Variants in TTC39A observed in about 807,000 individuals in gnomAD.
TTC39A encodes tetratricopeptide repeat protein 39A.
TTC39A carries 46 observed loss-of-function variants against 82.3 expected under a neutral mutation model. The observed-to-expected ratio is 0.56, with a 90% CI of 0.44 to 0.71. The LOEUF is 0.71. Ranked by LOEUF, TTC39A falls within the 30% of genes least tolerant of loss-of-function variation. The pLI is 0.00. For missense variants in TTC39A, 543 were observed against 712.9 expected, an observed-to-expected ratio of 0.76 and a Z score of 2.71; for synonymous variants, 254 against 275.2, an observed-to-expected ratio of 0.92 and a Z score of 0.76.
At chr1:51,334,305 A>G (rs1290148833), upstream of TTC39A, among the ~76,000 whole-genome samples, 2 of 152,050 alleles carry the variant, frequency 1.3e-5, no homozygotes, top group African/African-American at 2.4e-5. Flanking sequence ...GGAGTTCGAG[A>G]CCAGCCTGAC....
At chr1:51,345,058 C>A in exon 1 of TTC39A, 3 of 1,412,956 alleles carry the variant, frequency 2.1e-6, no homozygotes, top group South Asian at 1.6e-5. Flanking sequence ...GCGGGCCGGG[C>A]TCGGACGGGG....
At chr1:51,334,195 C>T (rs1475448201), upstream of TTC39A, among the ~76,000 whole-genome samples, 1 of 38,064 alleles carries the variant, frequency 2.6e-5, no homozygotes, top group East Asian at 5.6e-4. Context: ...CCTGTCTCTA[C>T]AAAAAAAAAA....
At chr1:51,290,793 T>C (rs1444167174) in intron 14 of TTC39A, among the ~76,000 whole-genome samples, 168 bp from the exon 15 acceptor site, 4 of 152,166 alleles carry the variant, frequency 2.6e-5, no homozygotes, top group South Asian at 4.1e-4. Context: ...CTGAGGGGGT[T>C]ATGGGAGCCT....
chr1:51,312,273 T>A, intron 3 of TTC39A, 78 bp from the exon 4 acceptor site: 2 of 1,340,968 alleles, frequency 1.5e-6, no homozygotes, highest in Non-Finnish European at 2.1e-6. Flanking sequence ...TGCTACACCC[T>A]AGAACATTCC....
chr1:51,295,149 C>G (rs1298413636), intron 13 of TTC39A, among the ~76,000 whole-genome samples: 1 of 152,284 alleles, frequency 6.6e-6, no homozygotes, highest in South Asian at 2.1e-4. Context: ...TGAGGTCCCC[C>G]CAAACTCTTC....
At chr1:51,319,339 G>C (rs1378887148) in intron 2 of TTC39A, among the ~76,000 whole-genome samples, 2 of 152,108 alleles carry the variant, frequency 1.3e-5, no homozygotes, top group Admixed American at 6.5e-5. Flanking sequence ...AAAAAGGAGA[G>C]GGAGAGGGAA....
chr1:51,329,205 A>G (rs1645821126), intron 1 of TTC39A, among the ~76,000 whole-genome samples: 1 of 152,110 alleles, frequency 6.6e-6, no homozygotes, highest in Non-Finnish European at 1.5e-5. Context: ...TTTGATAGAT[A>G]CCTTGCTCCA....
intron 5 of TTC39A, among the ~76,000 whole-genome samples, chr1:51,310,766 C>G (rs952862910): frequency 6.6e-6 from 1 of 152,214 alleles, no homozygotes; most frequent in African/African-American, 2.4e-5. Flanking sequence ...AGTGACCCCT[C>G]TCCTCTAAGT....
rs756051686 is a variant in TTC39A, at chr1:51,301,634, C to T, written c.991G>A (p.Gly331Ser). The T allele has an allele frequency of 9.9e-6, 16 of 1,613,762 alleles. 1 individual carries two copies. The Middle Eastern group carries it at 2.1e-3, about 216-fold the overall frequency. Residue 331 changes from glycine to serine, a missense_variant, in exon 12 of 18, where the codon GGC becomes AGC. Transcript: ENST00000680483. ...WELMWCFTYK[G>S]QWKMSYFYAD... ...TAGAAGTAGGACATCTTCCACTGGC[C>T]CTTGTAGGTGAAGCACCACATCAGC...
Position 51,311,239 on chromosome 1 carries a change from A to C in TTC39A, c.423+15T>G. ...TCTGAAATCCCAGCCTCTTTGTACA[A>C]GTGGGGGTCCCTACCTGCAGGAAGG... On this transcript the variant is annotated intron_variant, in intron 5 of 17. Coordinates refer to ENST00000680483, the MANE Select transcript of TTC39A (RefSeq NM_001297663.2). 1 of 1,570,092 alleles carries C rather than the reference A, an allele frequency of 6.4e-7. No homozygotes were observed. Among genetic ancestry groups the C allele is most frequent in the South Asian group, 1.2e-5 (1 of 85,274 alleles).
intron 8 of TTC39A, among the ~76,000 whole-genome samples, chr1:51,303,962 T>A (rs1435651433): frequency 6.6e-6 from 1 of 151,986 alleles, no homozygotes. Context: ...GGGCAGCAGA[T>A]AGCAGCTAAG....
At chr1:51,310,806 T>A (rs1645054270) in intron 5 of TTC39A, among the ~76,000 whole-genome samples, 1 of 152,202 alleles carries the variant, frequency 6.6e-6, no homozygotes, top group African/African-American at 2.4e-5. Context: ...GAGGTGAAGA[T>A]TAAATAACAA....
At chr1:51,302,906 C>T (rs1033862693) in intron 9 of TTC39A, among the ~76,000 whole-genome samples, 178 bp downstream of exon 9, 4 of 152,232 alleles carry the variant, frequency 2.6e-5, no homozygotes, top group African/African-American at 7.2e-5. Flanking sequence ...AACCCAGTCA[C>T]ACTGTGAGGC....
intron 2 of TTC39A, among the ~76,000 whole-genome samples, chr1:51,320,416 CTTTTTTT>C (rs57261779): frequency 6.3e-5 from 5 of 79,472 alleles, no homozygotes; most frequent in African/African-American, 1.6e-4. Flanking sequence ...TTTTCTTTTT[CTTTTTTT>C]TTTTTTTTTT....
At chr1:51,306,728 G>A (rs533919946) in intron 6 of TTC39A, among the ~76,000 whole-genome samples, 67 of 152,296 alleles carry the variant, frequency 4.4e-4, no homozygotes, top group African/African-American at 1.4e-3. Flanking sequence ...TCCTTCCTGG[G>A]CTGACAGCAT....
rs1001030077 is a variant in TTC39A, at chr1:51,311,398, A to G, written c.356-77T>C. On this transcript the variant is annotated intron_variant, in intron 4 of 17. Coordinates refer to ENST00000680483, the MANE Select transcript of TTC39A (RefSeq NM_001297663.2). ...GCCTGGGACAAATCCTCACACCCCA[A>G]CTTCCCCAAAAGCAAAGGGAACCTA... is the stretch of plus-strand genomic sequence containing the variant. The G allele has an allele frequency of 2.7e-5, 37 of 1,370,630 alleles. No homozygotes were observed. The African/African-American group carries it at 4.2e-4, about 16-fold the overall frequency. 84.9% of individuals were successfully genotyped at this position (1,370,630 alleles called of 1,614,324 possible). A position where few individuals can be genotyped will look rare whatever the true frequency, so the allele number is the denominator to read the frequency against.
rs746353305 is a variant in TTC39A, at chr1:51,309,281, T to C, written c.468A>G (p.Arg156=). 1.6e-5 allele frequency: 26 copies of C among 1,612,054 alleles called. No homozygotes were observed. The highest frequency in any genetic ancestry group is 2.0e-5 in the Non-Finnish European group (24 of 1,179,138). ...CTCACTTGTAGGTCTGGTAGCTGTT[T>C]CGAACTTTGATGCCGCCTTTGATGA... ...VSFIKGGIKV[R]NSYQTYKELD... Residue 156 remains arginine (R), a synonymous_variant, in exon 6 of 18, where the codon CGA becomes CGG. Coordinates refer to ENST00000680483, the MANE Select transcript of TTC39A (RefSeq NM_001297663.2).
At chr1:51,303,275 CCGGCACAGGGG>C (rs2148184684) in intron 8 of TTC39A, 83 bp from the exon 9 acceptor site, 1 of 1,231,532 alleles carries the variant, frequency 8.1e-7, no homozygotes, top group East Asian at 2.6e-5. Flanking sequence ...GGCAGTGCTG[CCGGCACAGGGG>C]CGGAAGAGCA....
chr1:51,313,612 C>T (rs1356153364), intron 2 of TTC39A, among the ~76,000 whole-genome samples: 1 of 152,142 alleles, frequency 6.6e-6, no homozygotes, highest in Non-Finnish European at 1.5e-5. Context: ...CAAGATTGCA[C>T]CCCCAGCCAC....
Sources: allele counts gnomAD v4.1 joint callset (sites outside exome capture counted in the v4.1 genomes callset), GRCh38; gene constraint gnomAD v4.1.1; transcripts MANE v1.5; gene names NCBI Gene and HGNC (gene_info 2026-07-23, HGNC 2026-07-21).